Variants in PRDM5 observed in about 807,000 individuals in gnomAD.
PRDM5 encodes PR domain zinc finger protein 5.
In PRDM5, 56 loss-of-function variants were observed where a neutral mutation model predicts 81.2. The observed-to-expected ratio is 0.69, with a 90% CI of 0.56 to 0.86. The LOEUF (loss-of-function observed/expected upper bound fraction) is 0.86. PRDM5 is among the 40% of genes least tolerant of loss of function. The pLI, the probability that PRDM5 is intolerant of heterozygous loss-of-function variation, is 0.00. For missense variants in PRDM5, 697 were observed against 770.1 expected, an observed-to-expected ratio of 0.91 and a Z score of 1.12; for synonymous variants, 267 against 256.4, an observed-to-expected ratio of 1.04 and a Z score of -0.39.
At chr4:120,756,482 A>T (rs1470115672) in intron 13 of PRDM5, among the ~76,000 whole-genome samples, 1 of 152,176 alleles carries the variant, frequency 6.6e-6, no homozygotes, top group Non-Finnish European at 1.5e-5. Context: ...TCTCTGATAT[A>T]TCTAGAATTT....
At chr4:120,711,845 A>T (rs1287440335) in intron 14 of PRDM5, among the ~76,000 whole-genome samples, 1 of 152,158 alleles carries the variant, frequency 6.6e-6, no homozygotes, top group Non-Finnish European at 1.5e-5. Flanking sequence ...GCCCGGATTA[A>T]TTGTGAAATA....
intron 12 of PRDM5, among the ~76,000 whole-genome samples, chr4:120,779,466 T>C (rs1033826004): frequency 1.3e-5 from 2 of 152,122 alleles, no homozygotes; most frequent in African/African-American, 4.8e-5. Flanking sequence ...ATGCAAAAAG[T>C]AATTAAAGCA....
At chr4:120,690,960 A>G (rs1263839879), downstream of PRDM5, among the ~76,000 whole-genome samples, 2 of 152,114 alleles carry the variant, frequency 1.3e-5, no homozygotes, top group Non-Finnish European at 2.9e-5. Context: ...TTCAAGGACT[A>G]AGACCTTATT....
downstream of PRDM5, among the ~76,000 whole-genome samples, chr4:120,691,209 T>C (rs1386692854): frequency 6.6e-6 from 1 of 152,126 alleles, no homozygotes; most frequent in Non-Finnish European, 1.5e-5. Context: ...GACTATTTCC[T>C]GGGCCTAGAA....
intron 1 of PRDM5, 142 bp from the exon 2 acceptor site, chr4:120,907,699 C>G (rs964308607): frequency 1.2e-4 from 87 of 744,864 alleles, no homozygotes; most frequent in Non-Finnish European, 1.9e-4. Flanking sequence ...ACTAATTTAC[C>G]CAACACAAAA....
intron 14 of PRDM5, among the ~76,000 whole-genome samples, chr4:120,711,481 T>C (rs1736976107): frequency 2.8e-5 from 3 of 105,530 alleles, no homozygotes. Flanking sequence ...TTTTTTTTTT[T>C]GTATTTTTAG....
At chr4:120,745,019 G>T (rs1196911659) in intron 14 of PRDM5, among the ~76,000 whole-genome samples, 2 of 149,450 alleles carry the variant, frequency 1.3e-5, no homozygotes, top group Non-Finnish European at 1.5e-5. Context: ...TAACACTGAT[G>T]CAAAAATCCT....
At chr4:120,808,151 T>G (rs1433766529) in intron 8 of PRDM5, among the ~76,000 whole-genome samples, 2 of 152,076 alleles carry the variant, frequency 1.3e-5, no homozygotes, top group Non-Finnish European at 2.9e-5. Flanking sequence ...CCTGAGCGGG[T>G]TGCCACTGCT....
At chr4:120,719,547 C>T (rs1464057947) in intron 14 of PRDM5, among the ~76,000 whole-genome samples, 1 of 151,906 alleles carries the variant, frequency 6.6e-6, no homozygotes, top group Non-Finnish European at 1.5e-5. Flanking sequence ...CTTAGGATGC[C>T]CATAATTCAA....
In PRDM5 at chr4:120,774,888, C is replaced by CTATATA. The variant is rs140501417; in HGVS notation, c.1537+2294_1537+2299dup. Among the ~76,000 whole-genome samples the CTATATA allele has an allele frequency of 4.4e-3, 566 of 129,340 alleles. 9 individuals carry two copies. Among genetic ancestry groups the CTATATA allele is most frequent in the African/African-American group, 0.011 (362 of 34,092 alleles). 84.9% of individuals were successfully genotyped at this position (129,340 alleles called of 152,430 possible). The stretch of plus-strand genomic sequence containing the variant: ...TCTCTGTCTCTCTCTCTCTCTCTTT[C>CTATATA]TATATATATATATATATATGTATAT... On this transcript the variant is annotated intron_variant, in intron 13 of 15. Transcript: ENST00000264808.
chr4:120,883,202 AAC>A, intron 2 of PRDM5, among the ~76,000 whole-genome samples: 1 of 152,302 alleles, frequency 6.6e-6, no homozygotes, highest in East Asian at 1.9e-4. Flanking sequence ...ATGTAAAGCA[AAC>A]AGAATTATTA....
Position 120,723,132 on chromosome 4 carries a change from T to C in PRDM5, c.1624-12719A>G, listed in dbSNP as rs532570020. ...TGACACAGAATACTTCCAGCTTACATTGAAGCATAGCACTGACAATGAACG... is the reference window on the plus strand; with the variant it reads ...TGACACAGAATACTTCCAGCTTACACTGAAGCATAGCACTGACAATGAACG... On this transcript the variant is annotated intron_variant, in intron 14 of 15. Coordinates refer to ENST00000264808, the MANE Select transcript of PRDM5 (RefSeq NM_018699.4). Among the ~76,000 whole-genome samples the C allele has an allele frequency of 4.6e-5, 7 of 152,312 alleles. No homozygotes were observed. The South Asian group carries it at 1.0e-3, about 23-fold the overall frequency.
chr4:120,889,713 A>G (rs1469732384), intron 2 of PRDM5, among the ~76,000 whole-genome samples: 2 of 152,052 alleles, frequency 1.3e-5, no homozygotes, highest in African/African-American at 2.4e-5. Flanking sequence ...TAGTTTTTCA[A>G]TCCTCTCCCT....
At chr4:120,709,803 T>A (rs545418032) in intron 15 of PRDM5, among the ~76,000 whole-genome samples, 1 of 152,164 alleles carries the variant, frequency 6.6e-6, no homozygotes, top group South Asian at 2.1e-4. Flanking sequence ...TGTCAAATAA[T>A]TCCATTTCAA....
intron 1 of PRDM5, among the ~76,000 whole-genome samples, chr4:120,685,575 G>A (rs971975894): frequency 2.6e-5 from 4 of 152,064 alleles, no homozygotes; most frequent in African/African-American, 7.2e-5. Flanking sequence ...AGTGGTGGGA[G>A]GTTTCTAAGC....
Position 120,693,849 on chromosome 4 carries a change from A to G in PRDM5, c.*1262T>C, listed in dbSNP as rs898704743. The G allele has an allele frequency of 6.6e-6, 1 of 152,092 alleles. No individual in the cohort carries two copies. The highest frequency in any genetic ancestry group is 1.9e-4 in the East Asian group (1 of 5,192). The allele number at this position is 152,092 out of a possible 1,614,324, so 9.4% of individuals were successfully genotyped here. A position where few individuals can be genotyped will look rare whatever the true frequency, so the allele number is the denominator to read the frequency against. On this transcript the variant is annotated 3_prime_UTR_variant, in exon 16 of 16. Coordinates refer to ENST00000264808, the MANE Select transcript of PRDM5 (RefSeq NM_018699.4). ...TTGGATATTCCTCCAGGTTATTTTGACATCACTATTACATTGTATCATATC... is the reference window on the plus strand; with the variant it reads ...TTGGATATTCCTCCAGGTTATTTTGGCATCACTATTACATTGTATCATATC...
chr4:120,917,682 A>T (rs1325858758), intron 1 of PRDM5, among the ~76,000 whole-genome samples: 2 of 2,184 alleles, frequency 9.2e-4, no homozygotes, highest in Non-Finnish European at 6.8e-3. Context: ...CAGACATTAA[A>T]AAAAAAAAAA....
At chr4:120,898,546 C>CT (rs1269083771) in intron 2 of PRDM5, among the ~76,000 whole-genome samples, 1 of 152,184 alleles carries the variant, frequency 6.6e-6, no homozygotes, top group African/African-American at 2.4e-5. Context: ...AGAAAAGCAA[C>CT]TGCAGATTAT....
At chr4:120,902,661 T>A (rs1028033649) in intron 2 of PRDM5, among the ~76,000 whole-genome samples, 1 of 152,192 alleles carries the variant, frequency 6.6e-6, no homozygotes, top group African/African-American at 2.4e-5. Context: ...GTTCTTCTGC[T>A]TAAGCACTTA....
Sources: allele counts gnomAD v4.1 joint callset (sites outside exome capture counted in the v4.1 genomes callset), GRCh38; gene constraint gnomAD v4.1.1; transcripts MANE v1.5; gene names NCBI Gene and HGNC (gene_info 2026-07-23, HGNC 2026-07-21).